Variants in FAAH2 observed in about 807,000 individuals in gnomAD.
FAAH2 encodes fatty-acid amide hydrolase 2.
Under a neutral mutation model 36.9 loss-of-function variants are expected in FAAH2, and 60 were observed. The observed-to-expected ratio is 1.63, with a 90% CI of 1.32 to 2.02. FAAH2 has a LOEUF of 2.02. Among genes scored for constraint, FAAH2 ranks in the 30% most tolerant of loss-of-function variants. The pLI, the probability that FAAH2 is intolerant of heterozygous loss-of-function variation, is 0.00. For missense variants in FAAH2, 689 were observed against 397.5 expected (o/e 1.73, Z -6.23); for synonymous variants, 214 against 143.8 (o/e 1.49, Z -3.49).
chrX:57,467,725 C>T (rs2057077748), intron 10 of FAAH2, among the ~76,000 whole-genome samples: 2 of 111,773 alleles, frequency 1.8e-5, no homozygotes, highest in African/African-American at 6.5e-5. Context: ...ACTTAAATGT[C>T]CCTGTCTGAC....
the FAAH2 span, among the ~76,000 whole-genome samples, chrX:57,279,895 G>A: frequency 9.0e-6 from 1 of 111,393 alleles, no homozygotes; most frequent in Non-Finnish European, 1.9e-5. Flanking sequence ...TACTGAATGG[G>A]CAAAAGCTGG....
At chrX:57,341,423 C>T (rs1165527109) in intron 5 of FAAH2, 33 bp downstream of exon 5, 2 of 1,186,630 alleles carry the variant, frequency 1.7e-6, no homozygotes, top group Admixed American at 4.6e-5. Flanking sequence ...GGTGGTTCTA[C>T]TTTTATAATT....
chrX:57,124,227 G>T, the FAAH2 span, among the ~76,000 whole-genome samples: 1 of 111,545 alleles, frequency 9.0e-6, no homozygotes, highest in Middle Eastern at 4.6e-3. Flanking sequence ...CATATGGCTA[G>T]CCAGTTTTCC....
intron 5 of FAAH2, among the ~76,000 whole-genome samples, chrX:57,371,849 T>C (rs986659488): frequency 5.4e-5 from 6 of 111,663 alleles, no homozygotes; most frequent in Non-Finnish European, 1.1e-4. Flanking sequence ...TATCATTATG[T>C]CAATGTTTAC....
the FAAH2 span, among the ~76,000 whole-genome samples, chrX:57,193,464 T>G: frequency 2.7e-5 from 3 of 111,914 alleles, no homozygotes; most frequent in Admixed American, 2.8e-4. Flanking sequence ...CCTTGTGATA[T>G]TCTATTACCT....
the FAAH2 span, among the ~76,000 whole-genome samples, chrX:57,178,398 G>A: frequency 8.9e-6 from 1 of 111,749 alleles, no homozygotes; most frequent in African/African-American, 3.3e-5. Context: ...CAGCTAGGAG[G>A]TGGCACTTGC....
At chrX:57,295,859 C>G (rs1332109253) in intron 2 of FAAH2, among the ~76,000 whole-genome samples, 1 of 112,481 alleles carries the variant, frequency 8.9e-6, no homozygotes, top group Non-Finnish European at 1.9e-5. Flanking sequence ...TCACTCATTG[C>G]TAGGACAGCA....
At chrX:57,174,072 G>T in the FAAH2 span, among the ~76,000 whole-genome samples, 5 of 110,678 alleles carry the variant, frequency 4.5e-5, no homozygotes, top group Non-Finnish European at 5.7e-5. Flanking sequence ...GGGTAATAAT[G>T]GCTTTGTAAA....
the FAAH2 span, chrX:57,136,921 C>CT: frequency 2.6e-6 from 2 of 758,486 alleles, no homozygotes; most frequent in Non-Finnish European, 1.8e-6. Flanking sequence ...TCCCAATCCC[C>CT]TGCAAAGCGG....
At chrX:57,125,268 G>C in the FAAH2 span, among the ~76,000 whole-genome samples, 1 of 112,722 alleles carries the variant, frequency 8.9e-6, no homozygotes, top group Non-Finnish European at 1.9e-5. Flanking sequence ...ATAATCATGT[G>C]GTTTTTGTCT....
chrX:57,185,587 AC>A, the FAAH2 span, among the ~76,000 whole-genome samples: 1 of 109,101 alleles, frequency 9.2e-6, no homozygotes, highest in Non-Finnish European at 1.9e-5. Flanking sequence ...CATGTGATGA[AC>A]ATGCAGGTTT....
chrX:57,219,863 C>CTTTTTTTTTTTTTTTT, the FAAH2 span, among the ~76,000 whole-genome samples: 1 of 35,640 alleles, frequency 2.8e-5, no homozygotes, highest in Non-Finnish European at 5.0e-5. Context: ...AGCGCCTTGT[C>CTTTTTTTTTTTTTTTT]TTTTTTTTTT....
the FAAH2 span, among the ~76,000 whole-genome samples, chrX:57,167,957 G>A: frequency 4.5e-5 from 5 of 111,084 alleles, no homozygotes; most frequent in Non-Finnish European, 9.4e-5. Context: ...TTTATGTGAT[G>A]TTTTAGAAGG....
intron 5 of FAAH2, among the ~76,000 whole-genome samples, chrX:57,371,443 T>C (rs183274004): frequency 8.9e-6 from 1 of 112,118 alleles, no homozygotes; most frequent in African/African-American, 3.2e-5. Context: ...ATGGGCTGCA[T>C]AGTACTCTGT....
chrX:57,341,496 A>G (rs921522201), intron 5 of FAAH2, 106 bp downstream of exon 5: 1 of 920,739 alleles, frequency 1.1e-6, no homozygotes, highest in South Asian at 3.2e-5. Context: ...ATTATTATAT[A>G]TTTCTCAATG....
intron 5 of FAAH2, among the ~76,000 whole-genome samples, chrX:57,378,384 T>C (rs777787991): frequency 3.6e-5 from 4 of 111,045 alleles, no homozygotes; most frequent in Non-Finnish European, 7.5e-5. Context: ...AATAGCCTAA[T>C]AAGTAGGGAC....
the FAAH2 span, among the ~76,000 whole-genome samples, chrX:57,280,292 CT>C: frequency 9.3e-6 from 1 of 107,037 alleles, no homozygotes; most frequent in Non-Finnish European, 1.9e-5. Context: ...AAAAAACAGT[CT>C]TTAATAGAAG....
chrX:57,315,773 G>A (rs2052820854), intron 3 of FAAH2, among the ~76,000 whole-genome samples: 1 of 111,166 alleles, frequency 9.0e-6, no homozygotes, highest in Non-Finnish European at 1.9e-5. Context: ...AATAATAAGA[G>A]TCATCTATAC....
intron 3 of FAAH2, among the ~76,000 whole-genome samples, chrX:57,322,816 T>G (rs1051767645): frequency 1.8e-5 from 2 of 110,850 alleles, no homozygotes; most frequent in South Asian, 3.8e-4. Flanking sequence ...TTCTTTTTTT[T>G]TTTGTTTTGT....
Sources: allele counts gnomAD v4.1 joint callset (sites outside exome capture counted in the v4.1 genomes callset), GRCh38; gene constraint gnomAD v4.1.1; transcripts MANE v1.5; gene names NCBI Gene and HGNC (gene_info 2026-07-23, HGNC 2026-07-21).